AKT3: variants seen among roughly 807,000 people sequenced by gnomAD.
AKT3 encodes the protein RAC-gamma serine/threonine-protein kinase.
A neutral mutation model predicts 65.3 loss-of-function variants in AKT3; 15 were observed. The observed-to-expected ratio is 0.23, with a 90% CI of 0.15 to 0.35. The LOEUF is 0.35. Among genes scored for constraint, AKT3 ranks in the 10% least tolerant of loss-of-function variants. The probability of loss-of-function intolerance (pLI) is 1.00; values close to 1 mark genes in which losing one functional copy is unlikely to be tolerated. For missense variants in AKT3, 243 were observed against 576.5 expected (o/e 0.42, Z 5.92); for synonymous variants, 206 against 183.8 (o/e 1.12, Z -0.98).
Position 243,828,048 on chromosome 1 carries a change from T to A in AKT3, c.46+15077A>T, listed in dbSNP as rs564469275. Among the ~76,000 whole-genome samples, 5 of 133,020 alleles carry A rather than the reference T, an allele frequency of 3.8e-5. No individual in the cohort carries two copies. The East Asian group carries it at 1.1e-3, about 29-fold the overall frequency. The allele number at this position is 133,020 out of a possible 152,430, so 87.3% of individuals were successfully genotyped here. A position where few individuals can be genotyped will look rare whatever the true frequency, so the allele number is the denominator to read the frequency against. ...GTGATTTTTGATCAATGTAAAAGCA[T>A]CTGAAGAATGTTTTAAAAACAACAA... On this transcript the variant is annotated intron_variant, in intron 2 of 13. Transcript: ENST00000673466.
chr1:243,850,462 C>G (rs1442818840), upstream of AKT3, among the ~76,000 whole-genome samples: 1 of 151,300 alleles, frequency 6.6e-6, no homozygotes, highest in Non-Finnish European at 1.5e-5. Flanking sequence ...GGCGGCGGCT[C>G]TGGGCCCCGG....
At chr1:243,649,397 GTA>G (rs530604522) in intron 4 of AKT3, among the ~76,000 whole-genome samples, 2 of 150,146 alleles carry the variant, frequency 1.3e-5, no homozygotes, top group South Asian at 4.2e-4. Flanking sequence ...TATGTTATGT[GTA>G]TATATATATA....
intron 12 of AKT3, among the ~76,000 whole-genome samples, chr1:243,531,754 G>A (rs1165968082): frequency 6.6e-6 from 1 of 152,082 alleles, no homozygotes; most frequent in Non-Finnish European, 1.5e-5. Context: ...AACATGAGAT[G>A]TCTTTCCATT....
chr1:243,822,427 C>G (rs1572407895), intron 2 of AKT3, among the ~76,000 whole-genome samples: 1 of 146,488 alleles, frequency 6.8e-6, no homozygotes, highest in African/African-American at 2.6e-5. Context: ...TAACCAAGAT[C>G]AGAGCAGAGC....
intron 11 of AKT3, among the ~76,000 whole-genome samples, chr1:243,550,995 T>TAAA (rs1673027869): frequency 8.0e-6 from 1 of 124,600 alleles, no homozygotes; most frequent in Non-Finnish European, 1.7e-5. Flanking sequence ...AAGATAAAAG[T>TAAA]CACCACTCTG....
intron 4 of AKT3, among the ~76,000 whole-genome samples, chr1:243,658,798 G>C (rs1682024891): frequency 6.6e-6 from 1 of 151,066 alleles, no homozygotes; most frequent in Non-Finnish European, 1.5e-5. Context: ...CCAGCCGAGG[G>C]AGGAGTATTG....
chr1:243,770,513 G>C (rs182674637), intron 2 of AKT3, among the ~76,000 whole-genome samples: 2 of 151,948 alleles, frequency 1.3e-5, no homozygotes, highest in Non-Finnish European at 2.9e-5. Context: ...TGCCTGTCTG[G>C]GAGAAGCTGC....
At position 243,512,388 on chromosome 1, in the gene AKT3, T is replaced by C. The variant is rs1670067833; in HGVS notation, c.1290A>G (p.Thr430=). The change falls in exon 13 of 14, where the codon ACA becomes ACG. Residue 430 remains threonine, a synonymous_variant. Coordinates refer to ENST00000673466, the MANE Select transcript of AKT3 (RefSeq NM_005465.7). ...ATTCTTCATCAAAATATCTAGTATC[T>C]GTCTCAGATGTTACTTGAGGTTTAA... is the stretch of plus-strand genomic sequence containing the variant. ...PPFKPQVTSE[T]DTRYFDEEFT... is the part of the protein sequence containing the mutation. The C allele has an allele frequency of 6.3e-7, 1 of 1,591,072 alleles. No homozygotes were observed. Among genetic ancestry groups the C allele is most frequent in the Non-Finnish European group, 8.6e-7 (1 of 1,166,420 alleles).
rs1669392433 is a variant in AKT3, at chr1:243,502,671, G to C, written c.*2578C>G. ...CATGGCAGCTGACAGATCTGGAAGT[G>C]AAAATAGGGGATTCTCAAAATCAAA... On this transcript the variant is annotated 3_prime_UTR_variant, in exon 14 of 14. Transcript: ENST00000673466. The C allele has an allele frequency of 4.3e-6, 1 of 233,162 alleles. No individual in the cohort carries two copies. The highest frequency in any genetic ancestry group is 8.5e-6 in the Non-Finnish European group (1 of 118,044). The allele number at this position is 233,162 out of a possible 1,614,324, so 14.4% of individuals were successfully genotyped here. A position where few individuals can be genotyped will look rare whatever the true frequency, so the allele number is the denominator to read the frequency against.
chr1:243,706,179 T>C (rs993038006), intron 2 of AKT3, among the ~76,000 whole-genome samples: 1 of 152,154 alleles, frequency 6.6e-6, no homozygotes, highest in Non-Finnish European at 1.5e-5. Context: ...TAACCATTAA[T>C]TCAATGACTA....
chr1:243,742,224 CCT>C, intron 2 of AKT3, among the ~76,000 whole-genome samples: 1 of 152,094 alleles, frequency 6.6e-6, no homozygotes, highest in Non-Finnish European at 1.5e-5. Context: ...GTGTCATATG[CCT>C]CTCTGATAGT....
intron 1 of AKT3, 49 bp downstream of exon 1, chr1:243,849,991 G>A (rs1695696889): frequency 1.0e-6 from 1 of 980,320 alleles, no homozygotes; most frequent in Non-Finnish European, 1.2e-6. Flanking sequence ...CCCGGAGGGA[G>A]TGGAGGCCAG....
At chr1:243,782,906 T>C (rs763155674) in intron 2 of AKT3, among the ~76,000 whole-genome samples, 1 of 152,218 alleles carries the variant, frequency 6.6e-6, no homozygotes, top group Non-Finnish European at 1.5e-5. Context: ...TGGCTTCTAA[T>C]GATCCTCACA....
At chr1:243,557,628 A>C (rs534760042) in intron 10 of AKT3, among the ~76,000 whole-genome samples, 58 of 152,164 alleles carry the variant, frequency 3.8e-4, no homozygotes, top group Admixed American at 1.5e-3. Context: ...TACTATAGAA[A>C]GAAATTAAAT....
At chr1:243,731,845 T>A (rs2148147145) in intron 2 of AKT3, among the ~76,000 whole-genome samples, 1 of 152,304 alleles carries the variant, frequency 6.6e-6, no homozygotes, top group South Asian at 2.1e-4. Flanking sequence ...GATATTGTAC[T>A]TATAGAGCTT....
intron 2 of AKT3, among the ~76,000 whole-genome samples, chr1:243,750,431 A>ACACG (rs1055451327): frequency 4.2e-4 from 62 of 147,450 alleles, no homozygotes; most frequent in African/African-American, 1.4e-3. Flanking sequence ...ACACACACAC[A>ACACG]CACGCACGCA....
downstream of AKT3, among the ~76,000 whole-genome samples, chr1:243,495,473 C>T (rs3006929): frequency 0.048 from 7,233 of 152,250 alleles, 566 homozygotes; most frequent in African/African-American, 0.16. Context: ...GGGGCCCAGC[C>T]GGGCAGCCAG....
intron 8 of AKT3, among the ~76,000 whole-genome samples, chr1:243,574,046 A>G (rs2148509862): frequency 6.6e-6 from 1 of 152,260 alleles, no homozygotes; most frequent in Non-Finnish European, 1.5e-5. Context: ...GATACACAAT[A>G]CATGTCTGTG....
chr1:243,836,131 A>G (rs1373134177), intron 2 of AKT3, among the ~76,000 whole-genome samples: 5 of 152,170 alleles, frequency 3.3e-5, no homozygotes, highest in African/African-American at 4.8e-5. Context: ...CGACCCAAAC[A>G]TATGCTGTCA....
Sources: gnomAD v4.1 joint callset for allele counts (sites outside exome capture counted in the v4.1 genomes callset) on GRCh38, gnomAD v4.1.1 for gene constraint, MANE v1.5 for transcripts, NCBI Gene and HGNC (gene_info 2026-07-23, HGNC 2026-07-21) for gene names.